XIRP2: variants seen among roughly 807,000 people sequenced by gnomAD.
The protein encoded by XIRP2 is xin actin binding repeat containing 2.
XIRP2 carries 236 observed loss-of-function variants against 277.0 expected under a neutral mutation model. The ratio of observed to expected loss-of-function variants is 0.85; its 90% confidence interval spans 0.77 to 0.95. The LOEUF (loss-of-function observed/expected upper bound fraction) is 0.95, where lower values mean the gene tolerates loss of function less well. Among genes scored for constraint, XIRP2 ranks in the 40% least tolerant of loss-of-function variants. The probability of loss-of-function intolerance (pLI) is 0.00; values close to 1 mark genes in which losing one functional copy is unlikely to be tolerated. For synonymous variants in XIRP2, 1,490 were observed against 1,416.5 expected (o/e 1.05, Z -1.17); for missense variants, 4,640 against 4,157.5 (o/e 1.12, Z -3.19).
chr2:166,955,542 C>T (rs1278569258), intron 2 of XIRP2, among the ~76,000 whole-genome samples: 1 of 151,624 alleles, frequency 6.6e-6, no homozygotes, highest in Non-Finnish European at 1.5e-5. Flanking sequence ...AGCATTGACC[C>T]ATACACTTGA....
chr2:167,214,803 G>C (rs1427585679), intron 4 of XIRP2, among the ~76,000 whole-genome samples: 1 of 152,080 alleles, frequency 6.6e-6, no homozygotes, highest in Non-Finnish European at 1.5e-5. Context: ...TCCTGACCTT[G>C]TGATCCACCC....
chr2:166,996,574 C>A (rs1574145020), intron 2 of XIRP2, among the ~76,000 whole-genome samples: 1 of 152,200 alleles, frequency 6.6e-6, no homozygotes, highest in African/African-American at 2.4e-5. Flanking sequence ...TTTCAGTGAG[C>A]CGAAATCATG....
intron 2 of XIRP2, among the ~76,000 whole-genome samples, chr2:167,116,193 A>G (rs1211092671): frequency 6.6e-6 from 1 of 152,180 alleles, no homozygotes; most frequent in Non-Finnish European, 1.5e-5. Flanking sequence ...TCATTAATAG[A>G]TTTCAATCAA....
intron 3 of XIRP2, among the ~76,000 whole-genome samples, chr2:167,202,957 C>T (rs748120872): frequency 2.0e-5 from 3 of 152,114 alleles, no homozygotes; most frequent in Admixed American, 1.3e-4. Flanking sequence ...TTCCCATCTT[C>T]GAAGCCAGCA....
chr2:167,226,962 C>G (rs1176040992), intron 5 of XIRP2, among the ~76,000 whole-genome samples: 1 of 152,094 alleles, frequency 6.6e-6, no homozygotes, highest in Non-Finnish European at 1.5e-5. Context: ...CTGGAAATCC[C>G]CAGGCGGCCC....
intron 1 of XIRP2, among the ~76,000 whole-genome samples, chr2:166,890,179 G>C (rs1684066410): frequency 6.6e-6 from 1 of 151,904 alleles, no homozygotes; most frequent in Middle Eastern, 3.4e-3. Flanking sequence ...TTTTTTAGTA[G>C]AGATGGGGTT....
rs563355224 is a variant in XIRP2 at position 166,995,412 on chromosome 2, C to T, written c.408+91522C>T. On this transcript the variant is annotated intron_variant, in intron 2 of 10. Transcript: ENST00000409195. ...CCTCTCTAAATTACTGAAGGTTCCA[C>T]GGAGAATTCTTGGCCAGGATCAGTT... Among the ~76,000 whole-genome samples, 5 of 152,254 alleles carry T rather than the reference C, an allele frequency of 3.3e-5. No homozygotes were observed. The East Asian group carries it at 7.7e-4, about 24-fold the overall frequency.
intron 5 of XIRP2, among the ~76,000 whole-genome samples, chr2:167,221,460 CAAAAAAAAAAAAA>C (rs57006710): frequency 3.2e-5 from 2 of 63,458 alleles, no homozygotes; most frequent in Admixed American, 1.8e-4. Context: ...AACTCCATCT[CAAAAAAAAAAAAA>C]AAAAAAAAAA....
At chr2:167,255,519 A>G (rs1409961272) in intron 10 of XIRP2, among the ~76,000 whole-genome samples, 1 of 151,814 alleles carries the variant, frequency 6.6e-6, no homozygotes, top group Non-Finnish European at 1.5e-5. Context: ...CTCTTAAGCT[A>G]TATACTTTTC....
At chr2:167,092,054 T>G (rs1558977070) in intron 2 of XIRP2, among the ~76,000 whole-genome samples, 1 of 152,148 alleles carries the variant, frequency 6.6e-6, no homozygotes. Context: ...GCACAACTTT[T>G]AAAACTTTCT....
chr2:166,898,998 C>G (rs1210424058), intron 1 of XIRP2, among the ~76,000 whole-genome samples: 1 of 152,120 alleles, frequency 6.6e-6, no homozygotes, highest in Non-Finnish European at 1.5e-5. Flanking sequence ...TGGGCATTTA[C>G]ATTTTATGTA....
intron 3 of XIRP2, among the ~76,000 whole-genome samples, chr2:167,204,465 C>T (rs952062090): frequency 9.2e-5 from 14 of 152,268 alleles, no homozygotes; most frequent in Admixed American, 6.5e-4. Flanking sequence ...AGCCTGGGGC[C>T]AGATTGCTGA....
rs1559045000 is a variant in XIRP2 at position 167,250,663 on chromosome 2, A to C, written c.9271A>C (p.Thr3091Pro). The C allele has an allele frequency of 6.2e-7, 1 of 1,613,588 alleles. No homozygotes were observed. The highest frequency in any genetic ancestry group is 8.5e-7 in the Non-Finnish European group (1 of 1,179,722). Residue 3091 changes from threonine to proline, a missense_variant, in exon 9 of 11, where the codon ACT becomes CCT. Physicochemically the swap from Thr to Pro is conservative, Grantham distance 38. Transcript: ENST00000409195. ...CCAAGTAGCAGCTCATCATGAAGCAACTGTTCGTAGTCACGTGAAAACCCA... is the reference window on the plus strand; with the variant it reads ...CCAAGTAGCAGCTCATCATGAAGCACCTGTTCGTAGTCACGTGAAAACCCA... ...QHQVAAHHEA[T>P]VRSHVKTHQE... is the part of the protein sequence containing the mutation.
chr2:166,903,449 A>T lies in XIRP2; in HGVS notation c.-18-16A>T. 1 of 1,581,616 alleles carries T rather than the reference A, an allele frequency of 6.3e-7. No homozygotes were observed. Among genetic ancestry groups the T allele is most frequent in the South Asian group, 1.2e-5 (1 of 86,188 alleles). ...TCCTGAGTGTATCACTGATAAAAGG[A>T]TTCTTGATATTGCAGGACAACCTGG... On this transcript the variant is annotated splice_polypyrimidine_tract_variant and intron_variant, in intron 1 of 10. Transcript: ENST00000409195.
At chr2:167,043,977 G>C (rs1488702779) in intron 2 of XIRP2, among the ~76,000 whole-genome samples, 3 of 151,914 alleles carry the variant, frequency 2.0e-5, no homozygotes, top group African/African-American at 7.2e-5. Flanking sequence ...AGAAAAAATA[G>C]AAAATGTCAG....
rs776449667 is a variant in XIRP2 at position 167,244,647 on chromosome 2, T to C, written c.3255T>C (p.Asp1085=). Residue 1085 remains aspartate, a synonymous_variant, in exon 9 of 11, where the codon GAT becomes GAC. Coordinates refer to ENST00000409195, the MANE Select transcript of XIRP2 (RefSeq NM_152381.6). ...ETESKTEQTR[D]IVKGDVKTCK... is the part of the protein sequence containing the mutation. ...AAAGTAAAACTGAACAAACTAGAGATATTGTTAAAGGGGATGTCAAAACCT... is the reference window on the plus strand; with the variant it reads ...AAAGTAAAACTGAACAAACTAGAGACATTGTTAAAGGGGATGTCAAAACCT... The C allele has an allele frequency of 6.2e-7, 1 of 1,613,366 alleles. No homozygotes were observed. The highest frequency in any genetic ancestry group is 1.7e-5 in the Admixed American group (1 of 59,914).
chr2:166,979,369 C>CTTTTTTTTTTTTTTT (rs66909002), intron 2 of XIRP2, among the ~76,000 whole-genome samples: 11 of 108,506 alleles, frequency 1.0e-4, no homozygotes, highest in East Asian at 2.7e-4. Flanking sequence ...CTTTTCTTTT[C>CTTTTTTTTTTTTTTT]TTTTTTTTTT....
At chr2:167,006,441 A>G (rs966944063) in intron 2 of XIRP2, among the ~76,000 whole-genome samples, 1 of 151,656 alleles carries the variant, frequency 6.6e-6, no homozygotes, top group Non-Finnish European at 1.5e-5. Flanking sequence ...GAACCGTGGC[A>G]TTATCTTTTT....
At chr2:166,976,420 T>A (rs751905214) in intron 2 of XIRP2, among the ~76,000 whole-genome samples, 13 of 152,242 alleles carry the variant, frequency 8.5e-5, no homozygotes, top group Non-Finnish European at 1.6e-4. Context: ...GGGAGTATAA[T>A]AAATGTTTTC....
Sources: allele counts gnomAD v4.1 joint callset (sites outside exome capture counted in the v4.1 genomes callset), GRCh38; gene constraint gnomAD v4.1.1; transcripts MANE v1.5; gene names NCBI Gene and HGNC (gene_info 2026-07-23, HGNC 2026-07-21).